FCHSD1: variants seen among roughly 807,000 people sequenced by gnomAD.
The protein encoded by FCHSD1 is F-BAR and double SH3 domains protein 1.
A neutral mutation model predicts 101.3 loss-of-function variants in FCHSD1; 109 were observed. That is an observed-to-expected ratio of 1.08 (90% CI 0.92 to 1.26). FCHSD1 has a LOEUF of 1.26. Ranked by LOEUF, FCHSD1 falls within the 50% of genes most tolerant of loss-of-function variation. The probability of loss-of-function intolerance (pLI) is 0.00; values close to 1 mark genes in which losing one functional copy is unlikely to be tolerated. For missense variants in FCHSD1, 820 were observed against 895.8 expected (o/e 0.92, Z 1.08); for synonymous variants, 291 against 356.8 (o/e 0.82, Z 2.08).
chr5:141,650,029 T>C, intron 3 of FCHSD1, 75 bp from the exon 4 acceptor site: 1 of 1,411,074 alleles, frequency 7.1e-7, no homozygotes, highest in Non-Finnish European at 9.5e-7. Flanking sequence ...GACATCAGAG[T>C]ATAATCATAC....
At position 141,649,903 on chromosome 5, in the gene FCHSD1, C is replaced by T. The variant is rs1434131632; in HGVS notation, c.217G>A (p.Gly73Ser). ...AGGGCCCACCTGCTGTCCATCTCACCGCTCCGGTGCCCTTCCCTCTTCAGG... is the reference window on the plus strand; with the variant it reads ...AGGGCCCACCTGCTGTCCATCTCACTGCTCCGGTGCCCTTCCCTCTTCAGG... Reference protein sequence around the residue: ...PFLKREGHRSGEMDSRGRTVF... With the variant: ...PFLKREGHRSSEMDSRGRTVF... Residue 73 changes from glycine to serine, a missense_variant, in exon 4 of 20, where the codon GGT becomes AGT. Transcript: ENST00000435817. The surrounding 1 kb of genome is among the most constrained non-coding windows in gnomAD (Gnocchi z 4.1). The T allele has an allele frequency of 6.5e-6, 10 of 1,549,844 alleles. No individual in the cohort carries two copies. Among genetic ancestry groups the T allele is most frequent in the African/African-American group, 1.4e-5 (1 of 72,824 alleles).
intron 8 of FCHSD1, 39 bp from the exon 9 acceptor site, chr5:141,647,559 C>G (rs942621589): frequency 6.2e-7 from 1 of 1,605,250 alleles, no homozygotes; most frequent in Non-Finnish European, 8.5e-7. Flanking sequence ...ACCCTTCCCC[C>G]AGACCTCTAC....
At position 141,648,905 on chromosome 5, in the gene FCHSD1, A is replaced by C. The variant is rs368418936; in HGVS notation, c.576+52T>G. On this transcript the variant is annotated intron_variant, in intron 7 of 19. Transcript: ENST00000435817. ...ATGCACCTATGTTCCAAACCACTAG[A>C]CTACTCTGCCTCCCTCTTCCCTGCC... 1.8e-4 allele frequency: 287 copies of C among 1,600,154 alleles called. 1 individual carries two copies. The East Asian group carries it at 5.2e-3, about 29-fold the overall frequency.
Position 141,640,762 on chromosome 5 carries a change from C to A in FCHSD1, c.*736G>T. 1 of 1,244,082 alleles carries A rather than the reference C, an allele frequency of 8.0e-7. No individual in the cohort carries two copies. 77.1% of individuals were successfully genotyped at this position (1,244,082 alleles called of 1,614,324 possible). A position where few individuals can be genotyped will look rare whatever the true frequency, so the allele number is the denominator to read the frequency against. On this transcript the variant is annotated 3_prime_UTR_variant, in exon 20 of 20. Coordinates refer to ENST00000435817, the MANE Select transcript of FCHSD1 (RefSeq NM_033449.3). ...CCCCTCCACTGGACAGCACTGCCCC[C>A]CAGCTGAGGGACCAGCTCTACTTCC...
chr5:141,645,644 T>C (rs1186308908), intron 13 of FCHSD1, 127 bp downstream of exon 13: 1 of 1,157,644 alleles, frequency 8.6e-7, no homozygotes, highest in Non-Finnish European at 1.2e-6. Context: ...TATATGATGA[T>C]TTCACTTAAG....
In FCHSD1 at chr5:141,646,104, T is replaced by C. The variant is rs1413716419; in HGVS notation, c.1132A>G (p.Ser378Gly). Residue 378 changes from serine (S) to glycine (G), a missense_variant, in exon 12 of 20, where the codon AGC becomes GGC. Transcript: ENST00000435817. ...TGCCTCACCTGTGCCCGGCGGATGCTCTCTCGCACTTCCTGTAACCTCTGT... is the reference window on the plus strand; with the variant it reads ...TGCCTCACCTGTGCCCGGCGGATGCCCTCTCGCACTTCCTGTAACCTCTGT... ...IEQRLQEVRE[S>G]IRRAQVSQVK... The C allele has an allele frequency of 5.0e-6, 8 of 1,611,340 alleles. No homozygotes were observed. Among genetic ancestry groups the C allele is most frequent in the East Asian group, 2.2e-5 (1 of 44,808 alleles).
At position 141,647,412 on chromosome 5, in the gene FCHSD1, G is replaced by C. The variant is rs1024400387; in HGVS notation, c.814C>G (p.Gln272Glu). Residue 272 changes from glutamine (Q) to glutamate (E), a missense_variant, in exon 9 of 20, where the codon CAG becomes GAG. By Grantham distance (29) the Gln-to-Glu change is conservative. Coordinates refer to ENST00000435817, the MANE Select transcript of FCHSD1 (RefSeq NM_033449.3). ...ACAGCCCTCACCTGGGAGGTTGTCT[G>C]CTCCCCGCGGTGGGCATGCTCCAGG... Reference protein sequence around the residue: ...VILEHAHRGEQTTSQVSWEQD... With the variant: ...VILEHAHRGEETTSQVSWEQD... 1.9e-6 allele frequency: 3 copies of C among 1,598,472 alleles called. No homozygotes were observed. Among genetic ancestry groups the C allele is most frequent in the Non-Finnish European group, 2.6e-6 (3 of 1,171,482 alleles).
chr5:141,646,224 G>A (rs1041704689), intron 11 of FCHSD1, 33 bp from the exon 12 acceptor site: 2 of 1,546,270 alleles, frequency 1.3e-6, no homozygotes, highest in Non-Finnish European at 1.8e-6. Context: ...GGGGTGGGTG[G>A]AAATACTGTG....
chr5:141,650,617 G>C (rs566230003), intron 2 of FCHSD1, among the ~76,000 whole-genome samples: 21 of 152,082 alleles, frequency 1.4e-4, no homozygotes, highest in Admixed American at 1.3e-3. Flanking sequence ...TTACTGCCCC[G>C]GGCCCCAGCA....
intron 8 of FCHSD1, 28 bp downstream of exon 8, chr5:141,647,940 G>C (rs377441223): frequency 3.7e-6 from 6 of 1,609,206 alleles, no homozygotes; most frequent in Non-Finnish European, 5.1e-6. Context: ...CCCTGCTGAG[G>C]GATAGGGGTG....
At chr5:141,650,293 A>G (rs1261312518) in intron 3 of FCHSD1, 66 bp downstream of exon 3, 3 of 1,600,914 alleles carry the variant, frequency 1.9e-6, no homozygotes, top group East Asian at 4.5e-5. Flanking sequence ...ATAGGTATGG[A>G]CAGACATTAC....
chr5:141,650,038 A>G lies in FCHSD1; in HGVS notation c.166-84T>C. 3 of 1,376,932 alleles carry G rather than the reference A, an allele frequency of 2.2e-6. No homozygotes were observed. In the East Asian group the frequency reaches 7.5e-5, roughly 35 times the overall value. 85.3% of individuals were successfully genotyped at this position (1,376,932 alleles called of 1,614,324 possible). ...GAATATGACATCAGAGTATAATCAT[A>G]CCATTCTTTGGGTACATTATGTGCC... On this transcript the variant is annotated intron_variant, in intron 3 of 19. Transcript: ENST00000435817.
At chr5:141,642,231 A>G (rs1046977135) in intron 18 of FCHSD1, 2 of 553,624 alleles carry the variant, frequency 3.6e-6, no homozygotes, top group Non-Finnish European at 6.3e-6. Flanking sequence ...CCATTATCCT[A>G]AGTGAACTAA....
rs764798163 is a variant in FCHSD1 at position 141,651,084 on chromosome 5, G to T, written c.55C>A (p.Leu19Met). 2 of 1,597,202 alleles carry T rather than the reference G, an allele frequency of 1.3e-6. No homozygotes were observed. The highest frequency in any genetic ancestry group is 1.3e-5 in the African/African-American group (1 of 74,778). ...GTCTGAAGGATGCTCAGCTGTTCCA[G>T]GAAGCGAAGCTTCACCTCCTGGGCC... is the stretch of plus-strand genomic sequence containing the variant. ...KPAQEVKLRF[L>M]EQLSILQTWQ... Residue 19 changes from leucine to methionine, a missense_variant, in exon 2 of 20, where the codon CTG (leucine) becomes ATG (methionine). Leu to Met is a conservative substitution (Grantham distance 15). Coordinates refer to ENST00000435817, the MANE Select transcript of FCHSD1 (RefSeq NM_033449.3).
Position 141,649,057 on chromosome 5 carries a change from A to G in FCHSD1, c.513-37T>C, listed in dbSNP as rs754230231. 5.4e-5 allele frequency: 87 copies of G among 1,613,654 alleles called. 1 individual carries two copies. In the South Asian group the frequency reaches 9.3e-4, roughly 17 times the overall value. On this transcript the variant is annotated intron_variant, in intron 6 of 19. Transcript: ENST00000435817. This position sits in a 1 kb window ranked among gnomAD's most constrained non-coding sequence, Gnocchi z 4.1. ...AGAGAAAGGAGTCAGGCCCACCCCA[A>G]GTGGGAGAATATGAGATCAGAGTCA... is the stretch of plus-strand genomic sequence containing the variant.
chr5:141,643,929 A>AT (rs919087467), intron 17 of FCHSD1, among the ~76,000 whole-genome samples: 1 of 152,048 alleles, frequency 6.6e-6, no homozygotes, highest in Non-Finnish European at 1.5e-5. Flanking sequence ...TATTATCCCC[A>AT]TTTTACATGT....
intron 7 of FCHSD1, among the ~76,000 whole-genome samples, chr5:141,648,443 A>C (rs2099907940): frequency 6.6e-6 from 1 of 151,796 alleles, no homozygotes; most frequent in Non-Finnish European, 1.5e-5. Context: ...AGTTATTCCC[A>C]CCTCAGACCC....
intron 10 of FCHSD1, 146 bp downstream of exon 10, chr5:141,646,989 G>A: frequency 1.1e-6 from 1 of 896,432 alleles, no homozygotes; most frequent in Admixed American, 2.8e-5. Flanking sequence ...TGTGTGTCCT[G>A]TTGGGAGGGA....
rs14251 is a variant in FCHSD1 at position 141,639,543 on chromosome 5, C to A, written c.*1955G>T. The A allele has an allele frequency of 0.41, 656,614 of 1,613,318 alleles. 136,732 individuals are homozygous for A. Among genetic ancestry groups the A allele is most frequent in the Middle Eastern group, 0.53 (3,238 of 6,056 alleles). On this transcript the variant is annotated 3_prime_UTR_variant, in exon 20 of 20. Transcript: ENST00000435817. The surrounding 1 kb of genome is among the most constrained non-coding windows in gnomAD (Gnocchi z 4.4). ...GCACCTGGGCTCTGCAGCCCCTTGC[C>A]TCCATTGCAGCCGCAGCAAGAGGCC... is the stretch of plus-strand genomic sequence containing the variant.
Sources: allele counts gnomAD v4.1 joint callset (sites outside exome capture counted in the v4.1 genomes callset), GRCh38; gene constraint gnomAD v4.1.1; non-coding constraint Gnocchi (gnomAD v3.1); transcripts MANE v1.5; gene names NCBI Gene and HGNC (gene_info 2026-07-23, HGNC 2026-07-21).